Variants in PRKCQ observed in about 807,000 individuals in gnomAD.
PRKCQ encodes protein kinase C theta type.
In PRKCQ, 41 loss-of-function variants were observed where a neutral mutation model predicts 91.2. That is an observed-to-expected ratio of 0.45 (90% CI 0.35 to 0.58). PRKCQ has a LOEUF of 0.58. Ranked by LOEUF, PRKCQ falls within the 20% of genes least tolerant of loss-of-function variation. PRKCQ has a pLI of 0.00. For synonymous variants in PRKCQ, 307 were observed against 316.9 expected (o/e 0.97, Z 0.33); for missense variants, 673 against 896.5 (o/e 0.75, Z 3.18).
At chr10:6,567,366 T>C (rs562740264) in intron 1 of PRKCQ, among the ~76,000 whole-genome samples, 18 of 152,386 alleles carry the variant, frequency 1.2e-4, no homozygotes, top group African/African-American at 4.3e-4. Context: ...GGGCCCACCA[T>C]ATCTTCCCAT....
chr10:6,504,895 A>C (rs1470578459), intron 4 of PRKCQ, among the ~76,000 whole-genome samples: 1 of 138,654 alleles, frequency 7.2e-6, no homozygotes, highest in Non-Finnish European at 1.5e-5. Context: ...ACAAAGATTT[A>C]TTCTTTTTTT....
chr10:6,526,419 T>A (rs1018782275), intron 1 of PRKCQ, among the ~76,000 whole-genome samples: 1 of 151,600 alleles, frequency 6.6e-6, no homozygotes, highest in Non-Finnish European at 1.5e-5. Flanking sequence ...CAGAAGAATA[T>A]AATATGAAAT....
intron 14 of PRKCQ, among the ~76,000 whole-genome samples, chr10:6,459,565 T>C (rs1016893148): frequency 3.3e-4 from 50 of 151,684 alleles, no homozygotes; most frequent in Admixed American, 1.2e-3. Context: ...TTTTTCCAAA[T>C]GTAATTAAGT....
At chr10:6,404,611 CTT>C in the PRKCQ span, among the ~76,000 whole-genome samples, 3 of 137,096 alleles carry the variant, frequency 2.2e-5, no homozygotes, top group Non-Finnish European at 3.1e-5. Flanking sequence ...CTCTTTCTCT[CTT>C]TCTTTCTCTC....
chr10:6,394,747 C>G, the PRKCQ span, among the ~76,000 whole-genome samples: 1 of 152,244 alleles, frequency 6.6e-6, no homozygotes, highest in African/African-American at 2.4e-5. Flanking sequence ...AAAATCCATG[C>G]TGCTCGCAAG....
chr10:6,575,868 C>T (rs1182348136), intron 1 of PRKCQ, among the ~76,000 whole-genome samples: 1 of 152,112 alleles, frequency 6.6e-6, no homozygotes, highest in Non-Finnish European at 1.5e-5. Flanking sequence ...GGTGAAACCC[C>T]ATCTCTACTA....
chr10:6,555,743 C>T (rs1840384997), intron 1 of PRKCQ, among the ~76,000 whole-genome samples: 2 of 152,104 alleles, frequency 1.3e-5, no homozygotes, highest in Admixed American at 1.3e-4. Context: ...GGCACGGTAG[C>T]TCACATCTGT....
intron 1 of PRKCQ, among the ~76,000 whole-genome samples, chr10:6,547,033 T>C (rs563124367): frequency 1.3e-5 from 2 of 152,340 alleles, no homozygotes; most frequent in East Asian, 3.9e-4. Context: ...CTGGATTACA[T>C]TTATTGATTT....
the PRKCQ span, among the ~76,000 whole-genome samples, chr10:6,399,324 C>T: frequency 6.6e-6 from 1 of 152,180 alleles, no homozygotes; most frequent in Non-Finnish European, 1.5e-5. Context: ...CACACAGACT[C>T]AGAATGTTGA....
chr10:6,395,135 C>G, the PRKCQ span, among the ~76,000 whole-genome samples: 1 of 143,090 alleles, frequency 7.0e-6, no homozygotes, highest in Non-Finnish European at 1.5e-5. Flanking sequence ...GTGATCTCGG[C>G]TCACTGCAAG....
intron 7 of PRKCQ, among the ~76,000 whole-genome samples, chr10:6,494,419 C>T (rs1160725355): frequency 6.6e-6 from 1 of 152,134 alleles, no homozygotes; most frequent in East Asian, 1.9e-4. Flanking sequence ...TCATGGTTCA[C>T]CTTCTTCATA....
rs938361227 is a variant in PRKCQ, at chr10:6,517,818, T to C, written c.-9-2674A>G. Reference sequence around the variant, plus strand: ...GTAAGTAAACGCCATTCTTACATAATATGGGTATACAAATTTGTAAGAAAG... The same window carrying C: ...GTAAGTAAACGCCATTCTTACATAACATGGGTATACAAATTTGTAAGAAAG... On this transcript the variant is annotated intron_variant, in intron 1 of 17. Coordinates refer to ENST00000263125, the MANE Select transcript of PRKCQ (RefSeq NM_006257.5). Among the ~76,000 whole-genome samples the C allele has an allele frequency of 6.6e-5, 8 of 121,756 alleles. No individual in the cohort carries two copies. In the East Asian group the frequency reaches 1.8e-3, roughly 27 times the overall value. The allele number at this position is 121,756 out of a possible 152,430, so 79.9% of individuals were successfully genotyped here.
At chr10:6,568,135 G>A (rs993751470) in intron 1 of PRKCQ, among the ~76,000 whole-genome samples, 1 of 152,034 alleles carries the variant, frequency 6.6e-6, no homozygotes, top group African/African-American at 2.4e-5. Flanking sequence ...CTACTCAGGT[G>A]AGGCGAAGGG....
chr10:6,539,974 T>C (rs1455474183), intron 1 of PRKCQ, among the ~76,000 whole-genome samples: 3 of 152,236 alleles, frequency 2.0e-5, no homozygotes, highest in Admixed American at 1.3e-4. Flanking sequence ...TCTGAATAAG[T>C]GGAATTCATG....
the PRKCQ span, among the ~76,000 whole-genome samples, chr10:6,406,417 A>G: frequency 1.3e-5 from 2 of 152,002 alleles, no homozygotes; most frequent in African/African-American, 2.4e-5. Context: ...CTGTAAAATA[A>G]TGTTTGCTGA....
chr10:6,503,264 G>C (rs1037248067), intron 4 of PRKCQ, among the ~76,000 whole-genome samples: 2 of 152,226 alleles, frequency 1.3e-5, no homozygotes, highest in Admixed American at 6.5e-5. Context: ...AGGAAGATGA[G>C]CTCTGAAAAA....
Position 6,511,042 on chromosome 10 carries a change from A to G in PRKCQ, c.271T>C (p.Ser91Pro). 6.2e-7 allele frequency: 1 copy of G among 1,614,100 alleles called. No individual in the cohort carries two copies. Among genetic ancestry groups the G allele is most frequent in the Non-Finnish European group, 8.5e-7 (1 of 1,180,010 alleles). The change falls in exon 3 of 18, where the codon TCG (serine) becomes CCG (proline). Residue 91 changes from serine to proline, a missense_variant. Physicochemically the swap from Ser to Pro is moderately conservative, Grantham distance 74. Coordinates refer to ENST00000263125, the MANE Select transcript of PRKCQ (RefSeq NM_006257.5). ...TTCTTCCTGCACCTCTCAGCCAGCG[A>G]GTAGAGCTCCACGGTGGTTTCAGAG... ...LISETTVELY[S>P]LAERCRKNNG... is the part of the protein sequence containing the mutation.
At chr10:6,407,844 TATATC>T in the PRKCQ span, among the ~76,000 whole-genome samples, 1 of 152,220 alleles carries the variant, frequency 6.6e-6, no homozygotes, top group African/African-American at 2.4e-5. This position sits in a 1 kb window ranked among gnomAD's most constrained non-coding sequence, Gnocchi z 4.0. Flanking sequence ...GCAAATCCCA[TATATC>T]ATATCATTTT....
chr10:6,560,296 C>T (rs1840578997), intron 1 of PRKCQ, among the ~76,000 whole-genome samples: 1 of 152,060 alleles, frequency 6.6e-6, no homozygotes, highest in Non-Finnish European at 1.5e-5. Context: ...GTAGGGAGAA[C>T]TTTCTGGAGT....
Sources: gnomAD v4.1 joint callset for allele counts (sites outside exome capture counted in the v4.1 genomes callset) on GRCh38, gnomAD v4.1.1 for gene constraint, Gnocchi (gnomAD v3.1) non-coding constraint, MANE v1.5 for transcripts, NCBI Gene and HGNC (gene_info 2026-07-23, HGNC 2026-07-21) for gene names.